PRDM5: variants seen among roughly 807,000 people sequenced by gnomAD.
PRDM5 encodes PR/SET domain 5.
A neutral mutation model predicts 81.2 loss-of-function variants in PRDM5; 56 were observed. The ratio of observed to expected loss-of-function variants is 0.69; its 90% CI spans 0.56 to 0.86. PRDM5 has a LOEUF of 0.86. Among genes scored for constraint, PRDM5 ranks in the 40% least tolerant of loss-of-function variants. The pLI is 0.00. For synonymous variants in PRDM5, 267 were observed against 256.4 expected, an observed-to-expected ratio of 1.04 and a Z score of -0.39; for missense variants, 697 against 770.1, an observed-to-expected ratio of 0.91 and a Z score of 1.12.
intron 2 of PRDM5, among the ~76,000 whole-genome samples, chr4:120,898,107 T>C (rs1005253755): frequency 1.3e-5 from 2 of 152,192 alleles, no homozygotes; most frequent in Non-Finnish European, 2.9e-5. Context: ...GAGCAGAAAC[T>C]GTTCACCTTA....
chr4:120,768,238 G>GA (rs897897049), intron 13 of PRDM5, among the ~76,000 whole-genome samples: 1 of 151,672 alleles, frequency 6.6e-6, no homozygotes, highest in East Asian at 1.9e-4. Context: ...TAGCTATATA[G>GA]AAAAAAAAGA....
At chr4:120,779,645 C>T (rs6825866) in intron 12 of PRDM5, among the ~76,000 whole-genome samples, 151,435 of 152,286 alleles carry the variant, frequency 0.99, 75,294 homozygotes, top group East Asian at 1. Context: ...CTTATGCCTA[C>T]AATCCCAGAA....
chr4:120,783,183 C>G (rs369462603), intron 11 of PRDM5, among the ~76,000 whole-genome samples: 4 of 152,036 alleles, frequency 2.6e-5, no homozygotes, highest in Admixed American at 1.3e-4. Flanking sequence ...TTGCATAAGA[C>G]GTAGTATTTT....
At chr4:120,859,517 ACCCAG>A (rs1760319846) in intron 2 of PRDM5, among the ~76,000 whole-genome samples, 2 of 152,118 alleles carry the variant, frequency 1.3e-5, no homozygotes, top group Admixed American at 1.3e-4. Flanking sequence ...GAGTGTTCAC[ACCCAG>A]CCATGTCAGC....
intron 2 of PRDM5, among the ~76,000 whole-genome samples, chr4:120,904,921 A>C (rs1487662484): frequency 6.6e-6 from 1 of 152,180 alleles, no homozygotes; most frequent in Non-Finnish European, 1.5e-5. Flanking sequence ...ATTTTTAAAA[A>C]AGAAAAAACC....
chr4:120,810,802 C>A (rs926927723), intron 8 of PRDM5, among the ~76,000 whole-genome samples: 2 of 152,032 alleles, frequency 1.3e-5, no homozygotes, highest in Non-Finnish European at 2.9e-5. Flanking sequence ...GTATCAAAAT[C>A]ACTAAACATA....
intron 1 of PRDM5, among the ~76,000 whole-genome samples, chr4:120,916,239 T>C (rs1181297905): frequency 6.6e-6 from 1 of 151,762 alleles, no homozygotes; most frequent in Admixed American, 6.6e-5. Flanking sequence ...ATACAAAAAT[T>C]AGCCAGGTGT....
chr4:120,692,091 A>T lies in PRDM5; in HGVS notation c.*3020T>A, dbSNP rs1734087875. The T allele has an allele frequency of 6.6e-6, 1 of 152,082 alleles. No individual in the cohort carries two copies. Among genetic ancestry groups the T allele is most frequent in the Non-Finnish European group, 1.5e-5 (1 of 67,994 alleles). The allele number at this position is 152,082 out of a possible 1,614,324, so 9.4% of individuals were successfully genotyped here. A position where few individuals can be genotyped will look rare whatever the true frequency, so the allele number is the denominator to read the frequency against. Reference sequence around the variant, plus strand: ...CCTACCTACCCACTTCCACATATTCATTACTCTAAGATGAGTTTTCATAAG... The same window carrying T: ...CCTACCTACCCACTTCCACATATTCTTTACTCTAAGATGAGTTTTCATAAG... On this transcript the variant is annotated 3_prime_UTR_variant, in exon 16 of 16. Coordinates refer to ENST00000264808, the MANE Select transcript of PRDM5 (RefSeq NM_018699.4).
intron 2 of PRDM5, among the ~76,000 whole-genome samples, chr4:120,882,234 G>GC (rs1203959898): frequency 3.3e-5 from 5 of 152,096 alleles, no homozygotes; most frequent in Non-Finnish European, 7.4e-5. Flanking sequence ...TGCAACCTCC[G>GC]CCTCCCGGGT....
intron 10 of PRDM5, among the ~76,000 whole-genome samples, chr4:120,796,895 A>G (rs1238300360): frequency 6.6e-6 from 1 of 152,198 alleles, no homozygotes. Context: ...GATCATATAC[A>G]TGTTATTTAA....
At chr4:120,705,628 G>C (rs1010567502) in intron 15 of PRDM5, among the ~76,000 whole-genome samples, 1 of 152,098 alleles carries the variant, frequency 6.6e-6, no homozygotes, top group Non-Finnish European at 1.5e-5. Flanking sequence ...AGGGCTGCAG[G>C]TCACCTGAGG....
intron 2 of PRDM5, among the ~76,000 whole-genome samples, chr4:120,880,537 C>T (rs979740689): frequency 5.3e-5 from 8 of 152,062 alleles, no homozygotes; most frequent in Non-Finnish European, 1.2e-4. Context: ...GTAACCAATA[C>T]AAAAATTATT....
chr4:120,835,780 A>G (rs891161111), intron 3 of PRDM5, among the ~76,000 whole-genome samples: 5 of 152,174 alleles, frequency 3.3e-5, no homozygotes, highest in African/African-American at 1.2e-4. Flanking sequence ...GAACTCGCAC[A>G]TTTAATAGCT....
chr4:120,824,484 T>A (rs1755695990), intron 3 of PRDM5, among the ~76,000 whole-genome samples: 1 of 152,150 alleles, frequency 6.6e-6, no homozygotes, highest in African/African-American at 2.4e-5. Flanking sequence ...CTTAGAAACT[T>A]GTTCAACATC....
chr4:120,873,975 G>A (rs1418116220), intron 2 of PRDM5, among the ~76,000 whole-genome samples: 1 of 151,794 alleles, frequency 6.6e-6, no homozygotes, highest in Non-Finnish European at 1.5e-5. Flanking sequence ...TTATTTAATT[G>A]ACACATAATA....
intron 12 of PRDM5, among the ~76,000 whole-genome samples, chr4:120,778,691 C>A (rs1008933784): frequency 3.3e-5 from 5 of 151,984 alleles, no homozygotes; most frequent in Admixed American, 1.3e-4. Flanking sequence ...AAAACACAAT[C>A]GAATCAACTA....
intron 2 of PRDM5, among the ~76,000 whole-genome samples, chr4:120,871,297 T>C (rs1303002121): frequency 2.0e-5 from 3 of 152,242 alleles, no homozygotes; most frequent in Admixed American, 2.0e-4. Context: ...TATCTGCTTC[T>C]GTTCTTCCTC....
At chr4:120,759,429 A>G (rs1261970467) in intron 13 of PRDM5, among the ~76,000 whole-genome samples, 1 of 152,224 alleles carries the variant, frequency 6.6e-6, no homozygotes, top group African/African-American at 2.4e-5. Flanking sequence ...GGACAAAGCT[A>G]TCTGCTGTCC....
intron 1 of PRDM5, among the ~76,000 whole-genome samples, chr4:120,685,300 G>C (rs1411497636): frequency 6.6e-6 from 1 of 152,032 alleles, no homozygotes; most frequent in Non-Finnish European, 1.5e-5. Context: ...TAAGATAAGA[G>C]CTGGATATAG....
Sources: allele counts gnomAD v4.1 joint callset (sites outside exome capture counted in the v4.1 genomes callset), GRCh38; gene constraint gnomAD v4.1.1; transcripts MANE v1.5; gene names NCBI Gene and HGNC (gene_info 2026-07-23, HGNC 2026-07-21).